KSR2: variants seen among roughly 807,000 people sequenced by gnomAD.
KSR2 encodes the protein kinase suppressor of ras 2.
KSR2 carries 25 observed loss-of-function variants against 107.8 expected under a neutral mutation model. The ratio of observed to expected loss-of-function variants is 0.23; its 90% CI spans 0.17 to 0.32. The LOEUF (loss-of-function observed/expected upper bound fraction) is 0.32. KSR2 is among the 10% of genes least tolerant of loss of function. KSR2 has a pLI of 1.00. For synonymous variants in KSR2, 480 were observed against 507.0 expected (o/e 0.95, Z 0.71); for missense variants, 887 against 1,268.9 (o/e 0.70, Z 4.57).
chr12:117,600,916 G>A (rs763252935), intron 5 of KSR2, among the ~76,000 whole-genome samples: 12 of 152,098 alleles, frequency 7.9e-5, no homozygotes, highest in East Asian at 1.9e-4. Context: ...CCTATGTTCC[G>A]GAAAGAGCGA....
At chr12:117,767,111 T>C (rs1400249895) in intron 3 of KSR2, among the ~76,000 whole-genome samples, 1 of 151,748 alleles carries the variant, frequency 6.6e-6, no homozygotes, top group East Asian at 2.0e-4. Flanking sequence ...GCTAGAGTTA[T>C]TTTGAGAGAG....
intron 1 of KSR2, among the ~76,000 whole-genome samples, chr12:117,861,378 C>CTTTTTTTTTTTTTTT (rs5801257): frequency 1.2e-5 from 1 of 81,672 alleles, no homozygotes; most frequent in Non-Finnish European, 2.2e-5. Context: ...TCCCAATTCG[C>CTTTTTTTTTTTTTTT]TTTTTTTTTT....
intron 1 of KSR2, among the ~76,000 whole-genome samples, chr12:117,933,862 C>T (rs78288787): frequency 0.051 from 7,829 of 152,152 alleles, 490 homozygotes; most frequent in East Asian, 0.35. Flanking sequence ...GAGCTGGGAC[C>T]CAGCACCGTG....
In KSR2 at chr12:117,968,604, AGAG is replaced by A. The variant is rs891405687; in HGVS notation, c.-352_-350del. 4.6e-5 allele frequency: 22 copies of A among 479,434 alleles called. No homozygotes were observed. The East Asian group carries it at 1.2e-3, about 26-fold the overall frequency. The allele number at this position is 479,434 out of a possible 1,614,324, so 29.7% of individuals were successfully genotyped here. On this transcript the variant is annotated 5_prime_UTR_variant, in exon 1 of 20. Coordinates refer to ENST00000339824, the MANE Select transcript of KSR2 (RefSeq NM_173598.6). Reference sequence around the variant, plus strand: ...GGGAGGAGGAGGAGGAGGAAAAAGAAGAGGAGAAGGAGGAGAGAGAGGAGGAGG... The same window carrying A: ...GGGAGGAGGAGGAGGAGGAAAAAGAAGAGAAGGAGGAGAGAGAGGAGGAGG...
At chr12:117,698,816 T>G (rs76615296) in intron 4 of KSR2, among the ~76,000 whole-genome samples, 2,996 of 152,254 alleles carry the variant, frequency 0.02, 66 homozygotes, top group African/African-American at 0.048. Context: ...GACATTATAT[T>G]TCTTCTTGTT....
intron 4 of KSR2, among the ~76,000 whole-genome samples, chr12:117,730,673 T>C (rs1486795550): frequency 6.6e-6 from 1 of 152,128 alleles, no homozygotes; most frequent in African/African-American, 2.4e-5. Flanking sequence ...CACGCCTGAC[T>C]GGTTTTTGTA....
In KSR2 at chr12:117,855,515, C is replaced by G; in HGVS notation, c.385G>C (p.Glu129Gln). The G allele has an allele frequency of 6.2e-7, 1 of 1,614,020 alleles. No individual in the cohort carries two copies. The highest frequency in any genetic ancestry group is 8.5e-7 in the Non-Finnish European group (1 of 1,179,886). The change falls in exon 3 of 20, where the codon GAG (glutamate) becomes CAG (glutamine). Residue 129 changes from glutamate (E) to glutamine (Q), a missense_variant. Physicochemically the swap from Glu to Gln is conservative, Grantham distance 29. Around this residue, in one of 8 missense-constraint regions of KSR2, gnomAD observed 399 missense variants for 479.5 expected, o/e 0.83. Transcript: ENST00000339824. ...LLEMTDEQVC[E>Q]TVEKYGANRE... ...TTGGCTCCGTATTTCTCCACAGTCT[C>G]GCACACCTGTTCATCCGTCATCTCC...
intron 5 of KSR2, among the ~76,000 whole-genome samples, chr12:117,644,085 C>G (rs1883509898): frequency 6.6e-6 from 1 of 152,162 alleles, no homozygotes; most frequent in Non-Finnish European, 1.5e-5. Context: ...GCCTGCCTGG[C>G]CACTCACTGT....
intron 5 of KSR2, among the ~76,000 whole-genome samples, chr12:117,647,209 G>C (rs562277040): frequency 3.6e-4 from 55 of 152,300 alleles, no homozygotes; most frequent in Middle Eastern, 3.4e-3. Context: ...AGGTAGGAGA[G>C]AGTGAAGGGC....
chr12:117,732,048 A>AG (rs1469650686), intron 4 of KSR2, among the ~76,000 whole-genome samples: 1 of 151,430 alleles, frequency 6.6e-6, no homozygotes, highest in Non-Finnish European at 1.5e-5. Flanking sequence ...TATTAAAAAA[A>AG]AAAGGTGAAA....
chr12:117,924,167 T>A (rs1593372873), intron 1 of KSR2, among the ~76,000 whole-genome samples: 1 of 151,844 alleles, frequency 6.6e-6, no homozygotes. Flanking sequence ...CGTGAGCCAC[T>A]GCGCCCGGCC....
In KSR2 at chr12:117,588,421, G is replaced by A. The variant is rs181134240; in HGVS notation, c.1172-6062C>T. On this transcript the variant is annotated intron_variant, in intron 5 of 19. Coordinates refer to ENST00000339824, the MANE Select transcript of KSR2 (RefSeq NM_173598.6). ...CGATTTATCTGCTATGGGGACAAAC[G>A]ATACTAGGCTGGGAGCTTTTGGGGT... Among the ~76,000 whole-genome samples, 8 of 152,280 alleles carry A rather than the reference G, an allele frequency of 5.3e-5. No individual in the cohort carries two copies. The East Asian group carries it at 9.6e-4, about 18-fold the overall frequency.
chr12:117,888,661 A>G (rs1227342201), intron 1 of KSR2, among the ~76,000 whole-genome samples: 1 of 152,242 alleles, frequency 6.6e-6, no homozygotes, highest in Non-Finnish European at 1.5e-5. Flanking sequence ...CCAAGAATAG[A>G]GCCCTCACCA....
intron 1 of KSR2, among the ~76,000 whole-genome samples, chr12:117,900,130 T>C (rs1174852753): frequency 2.0e-5 from 3 of 152,190 alleles, no homozygotes; most frequent in African/African-American, 7.2e-5. Flanking sequence ...TGTGAGATAA[T>C]AAATGTGTGT....
chr12:117,636,774 A>G (rs1883104790), intron 5 of KSR2, among the ~76,000 whole-genome samples: 1 of 152,214 alleles, frequency 6.6e-6, no homozygotes, highest in Admixed American at 6.5e-5. Context: ...ACATTTTTTA[A>G]AAGTCAACAC....
At position 117,471,316 on chromosome 12, in the gene KSR2, T is replaced by C. The variant is rs1447381944; in HGVS notation, c.2587A>G (p.Ile863Val). The change falls in exon 18 of 20, where the codon ATC (isoleucine) becomes GTC (valine). Residue 863 changes from isoleucine (I) to valine (V), a missense_variant. Around this residue, in one of 8 missense-constraint regions of KSR2, gnomAD observed 308 missense variants for 506.2 expected, o/e 0.61. Transcript: ENST00000339824. Reference protein sequence around the residue: ...KHSDVFALGTIWYELHAREWP... With the variant: ...KHSDVFALGTVWYELHAREWP... Reference sequence around the variant, plus strand: ...TCCCTGGCGTGGAGTTCATACCAGATTGTGCTGTTGGCAGACGTTGTTAAA... The same window carrying C: ...TCCCTGGCGTGGAGTTCATACCAGACTGTGCTGTTGGCAGACGTTGTTAAA... 1.2e-6 allele frequency: 2 copies of C among 1,613,108 alleles called. No individual in the cohort carries two copies. The highest frequency in any genetic ancestry group is 1.7e-6 in the Non-Finnish European group (2 of 1,179,532).
intron 4 of KSR2, among the ~76,000 whole-genome samples, chr12:117,684,634 C>G (rs1017749968): frequency 1.3e-5 from 2 of 152,134 alleles, no homozygotes; most frequent in Non-Finnish European, 2.9e-5. Flanking sequence ...TACCAGCCCA[C>G]TTCGGGGAGG....
rs1201642005 is a variant in KSR2, at chr12:117,544,514, G to C, written c.1519-4627C>G. 5.3e-5 allele frequency among the ~76,000 whole-genome samples: 8 copies of C among 151,962 alleles called. No homozygotes were observed. In the East Asian group the frequency reaches 1.2e-3, roughly 22 times the overall value. ...CACACCTGTAGTCCCAGCTACTTGG[G>C]AGGCTGAGGCGGAAGAATCACTTGA... On this transcript the variant is annotated intron_variant, in intron 9 of 19. Coordinates refer to ENST00000339824, the MANE Select transcript of KSR2 (RefSeq NM_173598.6).
At chr12:117,603,532 C>T (rs981605986) in intron 5 of KSR2, among the ~76,000 whole-genome samples, 4 of 152,152 alleles carry the variant, frequency 2.6e-5, no homozygotes, top group Admixed American at 2.6e-4. Flanking sequence ...AGTCTTTTGG[C>T]TCTAAATCCG....
Sources: gnomAD v4.1 joint callset for allele counts (sites outside exome capture counted in the v4.1 genomes callset) on GRCh38, gnomAD v4.1.1 for gene constraint, gnomAD v4.1.1 regional missense constraint, MANE v1.5 for transcripts, NCBI Gene and HGNC (gene_info 2026-07-23, HGNC 2026-07-21) for gene names.